Variants in GALNTL6 observed in about 807,000 individuals in gnomAD.
The protein encoded by GALNTL6 is polypeptide N-acetylgalactosaminyltransferase-like 6.
GALNTL6 carries 46 observed loss-of-function variants against 73.7 expected under a neutral mutation model. The observed-to-expected ratio is 0.62, with a 90% CI of 0.49 to 0.80. GALNTL6 has a LOEUF of 0.80. Among genes scored for constraint, GALNTL6 ranks in the 30% least tolerant of loss-of-function variants. GALNTL6 has a pLI of 0.00. For synonymous variants in GALNTL6, 259 were observed against 263.7 expected (o/e 0.98, Z 0.17); for missense variants, 604 against 755.0 (o/e 0.80, Z 2.34).
rs189151034 is a variant in GALNTL6, at chr4:172,863,308, A to C, written c.924-19482A>C. Among the ~76,000 whole-genome samples the C allele has an allele frequency of 1.4e-4, 22 of 152,268 alleles. No individual in the cohort carries two copies. The East Asian group carries it at 4.1e-3, about 28-fold the overall frequency. On this transcript the variant is annotated intron_variant, in intron 7 of 12. Transcript: ENST00000506823. ...GCCCCAGAATGGTAGATCCACTCAC[A>C]GCTTCCACCATGGGCCTGGAGAAGC...
At chr4:171,868,690 C>CT (rs529725228) in intron 2 of GALNTL6, among the ~76,000 whole-genome samples, 8 of 148,518 alleles carry the variant, frequency 5.4e-5, no homozygotes, top group Admixed American at 1.3e-4. Context: ...TTCTTTCTTT[C>CT]TTTTTTTTTT....
intron 5 of GALNTL6, among the ~76,000 whole-genome samples, chr4:172,479,845 A>G (rs1007388687): frequency 1.3e-5 from 2 of 152,180 alleles, no homozygotes; most frequent in African/African-American, 4.8e-5. Context: ...GTAACACAGG[A>G]TTTTCTTATA....
intron 12 of GALNTL6, among the ~76,000 whole-genome samples, chr4:173,037,990 G>T (rs771032389): frequency 7.9e-5 from 12 of 152,130 alleles, no homozygotes; most frequent in Non-Finnish European, 5.9e-5. Flanking sequence ...TGATCTGCCC[G>T]CCATGGCCTC....
chr4:172,557,370 C>A (rs1736186776), intron 5 of GALNTL6, among the ~76,000 whole-genome samples: 1 of 151,954 alleles, frequency 6.6e-6, no homozygotes, highest in South Asian at 2.1e-4. Context: ...GAAAAACTAA[C>A]CAGGAGAGAA....
chr4:172,660,075 A>G (rs1579302054), intron 5 of GALNTL6, among the ~76,000 whole-genome samples: 1 of 152,196 alleles, frequency 6.6e-6, no homozygotes, highest in East Asian at 1.9e-4. Flanking sequence ...CCTTCAATGT[A>G]TTTTAAAATG....
At chr4:172,399,893 CAAG>C (rs1344013821) in intron 5 of GALNTL6, among the ~76,000 whole-genome samples, 5 of 152,094 alleles carry the variant, frequency 3.3e-5, no homozygotes, top group Admixed American at 2.0e-4. Flanking sequence ...TAACTTCAAA[CAAG>C]AAGGTTTTCT....
chr4:172,501,089 C>A (rs1449294510), intron 5 of GALNTL6, among the ~76,000 whole-genome samples: 1 of 152,200 alleles, frequency 6.6e-6, no homozygotes, highest in Non-Finnish European at 1.5e-5. Flanking sequence ...TACATGCACA[C>A]ACTTCCACAA....
At chr4:172,915,423 C>T (rs1747448209) in intron 8 of GALNTL6, among the ~76,000 whole-genome samples, 1 of 152,016 alleles carries the variant, frequency 6.6e-6, no homozygotes, top group Admixed American at 6.6e-5. Context: ...GAGATAGAGA[C>T]ACAAAAAAAC....
At chr4:172,313,253 G>C (rs2111148642) in intron 4 of GALNTL6, among the ~76,000 whole-genome samples, 1 of 151,640 alleles carries the variant, frequency 6.6e-6, no homozygotes, top group South Asian at 2.1e-4. Flanking sequence ...AGCCTCCCGA[G>C]TAGCTGGGAC....
intron 2 of GALNTL6, among the ~76,000 whole-genome samples, chr4:171,999,027 C>T (rs1247625072): frequency 6.6e-6 from 1 of 152,142 alleles, no homozygotes; most frequent in Admixed American, 6.6e-5. Context: ...TTAAGCATGA[C>T]ATAATTCCTC....
At chr4:172,455,074 C>G (rs1732342176) in intron 5 of GALNTL6, among the ~76,000 whole-genome samples, 1 of 152,120 alleles carries the variant, frequency 6.6e-6, no homozygotes, top group African/African-American at 2.4e-5. Flanking sequence ...TGAGCAGAAG[C>G]AGGGTGGGGC....
intron 10 of GALNTL6, among the ~76,000 whole-genome samples, chr4:173,004,952 C>A (rs1752208361): frequency 1.3e-5 from 2 of 152,178 alleles, no homozygotes; most frequent in African/African-American, 4.8e-5. Flanking sequence ...AATTAGCAGA[C>A]CATGCTGGCT....
At chr4:172,047,936 A>T (rs1360949013) in intron 2 of GALNTL6, among the ~76,000 whole-genome samples, 1 of 152,150 alleles carries the variant, frequency 6.6e-6, no homozygotes. Context: ...CCACTTGAGT[A>T]TACCAATTTA....
At chr4:172,532,746 G>A (rs1293862978) in intron 5 of GALNTL6, among the ~76,000 whole-genome samples, 2 of 152,126 alleles carry the variant, frequency 1.3e-5, no homozygotes, top group Non-Finnish European at 2.9e-5. Context: ...ATAAGGAAAT[G>A]TAAATATATA....
intron 2 of GALNTL6, among the ~76,000 whole-genome samples, chr4:171,854,594 T>C (rs2110867835): frequency 6.6e-6 from 1 of 152,310 alleles, no homozygotes. Context: ...ATAATAAACA[T>C]AGCATGGACT....
intron 10 of GALNTL6, among the ~76,000 whole-genome samples, chr4:172,991,539 A>G (rs1751545526): frequency 6.6e-6 from 1 of 151,924 alleles, no homozygotes; most frequent in Non-Finnish European, 1.5e-5. Context: ...AGCTAAGACT[A>G]CAGGGGCATG....
At chr4:172,219,223 A>ATATATATATATATATATATATATATAT (rs56923371) in intron 2 of GALNTL6, among the ~76,000 whole-genome samples, 68 of 141,986 alleles carry the variant, frequency 4.8e-4, no homozygotes, top group Non-Finnish European at 6.3e-4. Context: ...ATATATATAT[A>ATATATATATATATATATATATATATAT]ATCCTTCTGT....
intron 5 of GALNTL6, among the ~76,000 whole-genome samples, chr4:172,605,362 A>C (rs974277659): frequency 1.9e-4 from 29 of 152,192 alleles, no homozygotes; most frequent in Non-Finnish European, 2.9e-5. Flanking sequence ...GGTGATAATC[A>C]TTTTGGGTTC....
chr4:172,201,434 T>G (rs1393892752), intron 2 of GALNTL6, among the ~76,000 whole-genome samples: 2 of 152,032 alleles, frequency 1.3e-5, no homozygotes, highest in African/African-American at 4.8e-5. Context: ...CTTGATCTCC[T>G]GACCTCATGA....
Sources: allele counts gnomAD v4.1 joint callset (sites outside exome capture counted in the v4.1 genomes callset), GRCh38; gene constraint gnomAD v4.1.1; transcripts MANE v1.5; gene names NCBI Gene and HGNC (gene_info 2026-07-23, HGNC 2026-07-21).